The following PRKG1 variants were observed in gnomAD, a reference collection of about 807,000 sequenced individuals.
The protein encoded by PRKG1 is cGMP-dependent protein kinase 1.
A neutral mutation model predicts 88.1 loss-of-function variants in PRKG1; 35 were observed. The observed-to-expected ratio is 0.40, with a 90% CI of 0.30 to 0.53. The LOEUF is 0.53. Among genes scored for constraint, PRKG1 ranks in the 20% least tolerant of loss-of-function variants. The probability of loss-of-function intolerance (pLI) is 0.59; values close to 1 mark genes in which losing one functional copy is unlikely to be tolerated. For missense variants in PRKG1, 540 were observed against 839.8 expected, an observed-to-expected ratio of 0.64 and a Z score of 4.41; for synonymous variants, 303 against 292.5, an observed-to-expected ratio of 1.04 and a Z score of -0.37.
chr10:52,169,095 G>C (rs1838584098), intron 9 of PRKG1, among the ~76,000 whole-genome samples: 1 of 152,124 alleles, frequency 6.6e-6, no homozygotes, highest in African/African-American at 2.4e-5. Flanking sequence ...CTTGATGAAT[G>C]TTAGCATTTA....
chr10:51,731,716 A>G (rs2132471897), intron 3 of PRKG1, among the ~76,000 whole-genome samples: 1 of 152,338 alleles, frequency 6.6e-6, no homozygotes, highest in Non-Finnish European at 1.5e-5. Flanking sequence ...TCAAAGGAGA[A>G]GTTTAGATTT....
chr10:52,095,387 T>C (rs150727210), intron 7 of PRKG1, among the ~76,000 whole-genome samples: 3 of 152,338 alleles, frequency 2.0e-5, no homozygotes, highest in African/African-American at 2.4e-5. Flanking sequence ...TATCCTGGTC[T>C]CTATATTGTT....
intron 3 of PRKG1, among the ~76,000 whole-genome samples, chr10:51,625,494 G>T (rs1162686101): frequency 1.3e-5 from 2 of 151,940 alleles, no homozygotes; most frequent in Non-Finnish European, 2.9e-5. Context: ...AAGAAAGAAA[G>T]AAAGAAAGAC....
intron 7 of PRKG1, among the ~76,000 whole-genome samples, chr10:52,130,368 A>G (rs1837221584): frequency 6.6e-6 from 1 of 152,216 alleles, no homozygotes; most frequent in East Asian, 1.9e-4. Context: ...ATTGCATTCA[A>G]CTTTAAAAGT....
chr10:51,603,726 G>A (rs1358306779), intron 3 of PRKG1, among the ~76,000 whole-genome samples: 2 of 152,192 alleles, frequency 1.3e-5, no homozygotes, highest in Non-Finnish European at 2.9e-5. Context: ...AGCACAGGAA[G>A]ACAAATAATA....
At chr10:51,872,618 T>G (rs1841187671) in intron 4 of PRKG1, among the ~76,000 whole-genome samples, 1 of 152,142 alleles carries the variant, frequency 6.6e-6, no homozygotes, top group Middle Eastern at 3.2e-3. Flanking sequence ...AACTATATAG[T>G]TTTTTCCTCC....
Position 51,913,690 on chromosome 10 carries a change from A to C in PRKG1, c.762+6120A>C, listed in dbSNP as rs529978374. 2.4e-3 allele frequency among the ~76,000 whole-genome samples: 359 copies of C among 152,238 alleles called. 4 individuals carry two copies. The highest frequency in any genetic ancestry group is 8.3e-3 in the African/African-American group (346 of 41,528). ...GTGTTTTGAAAGACAAGTTCAAGTA[A>C]TTTACTTGACTTTCTAAGTGTTCAC... On this transcript the variant is annotated intron_variant, in intron 5 of 17. Coordinates refer to ENST00000373980, the MANE Select transcript of PRKG1 (RefSeq NM_006258.4).
At chr10:51,151,861 C>T (rs1431026288) in intron 1 of PRKG1, among the ~76,000 whole-genome samples, 1 of 151,958 alleles carries the variant, frequency 6.6e-6, no homozygotes, top group African/African-American at 2.4e-5. Flanking sequence ...TGAAAAGCCT[C>T]CCAGAAATGG....
At chr10:51,804,524 T>A in intron 3 of PRKG1, 61 bp from the exon 4 acceptor site, 1 of 1,161,528 alleles carries the variant, frequency 8.6e-7, no homozygotes, top group South Asian at 1.3e-5. Context: ...CAGGATGTTG[T>A]TCACAGTTGA....
chr10:51,100,744 T>G (rs1844659162), intron 1 of PRKG1, among the ~76,000 whole-genome samples: 1 of 152,186 alleles, frequency 6.6e-6, no homozygotes, highest in African/African-American at 2.4e-5. Flanking sequence ...GTTACCTGTA[T>G]TTTGAAAGGC....
intron 1 of PRKG1, among the ~76,000 whole-genome samples, chr10:50,994,750 G>A (rs1468595621): frequency 1.3e-5 from 2 of 149,952 alleles, no homozygotes. Context: ...AGTGCAGTCG[G>A]CCCCTTCTAT....
intron 4 of PRKG1, among the ~76,000 whole-genome samples, chr10:51,805,178 A>G (rs1839272420): frequency 6.6e-6 from 1 of 152,244 alleles, no homozygotes; most frequent in Non-Finnish European, 1.5e-5. Context: ...TCCAAGAAAT[A>G]GCTTATTATC....
intron 5 of PRKG1, among the ~76,000 whole-genome samples, chr10:51,949,581 C>A (rs1198676706): frequency 1.3e-5 from 2 of 151,916 alleles, no homozygotes; most frequent in African/African-American, 4.8e-5. Flanking sequence ...CAGTGATAGC[C>A]AAGAGAGTTG....
intron 5 of PRKG1, among the ~76,000 whole-genome samples, chr10:51,953,234 A>G (rs1843225743): frequency 6.6e-6 from 1 of 152,204 alleles, no homozygotes; most frequent in Admixed American, 6.5e-5. Flanking sequence ...GAAATTTACA[A>G]GGAGAAAATA....
intron 7 of PRKG1, among the ~76,000 whole-genome samples, chr10:52,122,237 A>G (rs1054287618): frequency 6.6e-6 from 1 of 152,126 alleles, no homozygotes; most frequent in African/African-American, 2.4e-5. Flanking sequence ...TTACAAACTC[A>G]CACTTTCAAT....
At chr10:51,216,048 T>G (rs199999429) in intron 2 of PRKG1, among the ~76,000 whole-genome samples, 1 of 152,200 alleles carries the variant, frequency 6.6e-6, no homozygotes, top group East Asian at 1.9e-4. Flanking sequence ...TAGAACTGTG[T>G]TTGTCTGCTA....
chr10:51,017,939 C>T (rs1843089690), intron 1 of PRKG1, among the ~76,000 whole-genome samples: 1 of 151,896 alleles, frequency 6.6e-6, no homozygotes, highest in Admixed American at 6.6e-5. Flanking sequence ...GGTGGGACCA[C>T]AGGTGCGTGG....
chr10:52,061,081 G>A (rs1589568564), intron 6 of PRKG1, among the ~76,000 whole-genome samples: 2 of 152,074 alleles, frequency 1.3e-5, no homozygotes, highest in South Asian at 2.1e-4. Context: ...TGAAGTTTCT[G>A]CATCTATAAA....
chr10:52,159,237 C>G (rs531270028), intron 8 of PRKG1, among the ~76,000 whole-genome samples: 2 of 151,416 alleles, frequency 1.3e-5, no homozygotes, highest in African/African-American at 2.4e-5. Context: ...AATATTTTTA[C>G]AGGTCTTTTG....
Sources: gnomAD v4.1 joint callset for allele counts (sites outside exome capture counted in the v4.1 genomes callset) on GRCh38, gnomAD v4.1.1 for gene constraint, MANE v1.5 for transcripts, NCBI Gene and HGNC (gene_info 2026-07-23, HGNC 2026-07-21) for gene names.